The following SMYD3 variants were observed in gnomAD, a reference collection of about 807,000 sequenced individuals.
The protein encoded by SMYD3 is histone-lysine N-methyltransferase SMYD3.
A neutral mutation model predicts 57.7 loss-of-function variants in SMYD3; 36 were observed. The ratio of observed to expected loss-of-function variants is 0.62; its 90% CI spans 0.48 to 0.82. SMYD3 has a LOEUF of 0.82. Ranked by LOEUF, SMYD3 falls within the 40% of genes least tolerant of loss-of-function variation. The pLI is 0.00. For missense variants in SMYD3, 515 were observed against 538.8 expected, an observed-to-expected ratio of 0.96 and a Z score of 0.44; for synonymous variants, 211 against 195.0, an observed-to-expected ratio of 1.08 and a Z score of -0.68.
chr1:246,273,633 G>A (rs573066159), intron 5 of SMYD3, among the ~76,000 whole-genome samples: 5 of 142,322 alleles, frequency 3.5e-5, no homozygotes, highest in African/African-American at 1.0e-4. Flanking sequence ...CGCCCAGGTG[G>A]GAGTGCAGTG....
intron 5 of SMYD3, among the ~76,000 whole-genome samples, chr1:246,282,047 G>A (rs2064453393): frequency 6.6e-6 from 1 of 152,130 alleles, no homozygotes; most frequent in Admixed American, 6.5e-5. Context: ...GTGAAAAATA[G>A]TTCTGCAAGA....
At chr1:246,028,684 C>A (rs995774484) in intron 5 of SMYD3, among the ~76,000 whole-genome samples, 1 of 152,084 alleles carries the variant, frequency 6.6e-6, no homozygotes, top group Non-Finnish European at 1.5e-5. Context: ...TAATGTAATA[C>A]CTGTCAAAAT....
intron 8 of SMYD3, among the ~76,000 whole-genome samples, chr1:245,911,358 C>T (rs186213574): frequency 1.3e-5 from 2 of 151,874 alleles, no homozygotes; most frequent in East Asian, 1.9e-4. Flanking sequence ...ACAATCCAAA[C>T]GTTGGATATA....
intron 7 of SMYD3, among the ~76,000 whole-genome samples, chr1:245,920,607 T>G (rs1408107414): frequency 6.6e-6 from 1 of 152,160 alleles, no homozygotes; most frequent in South Asian, 2.1e-4. Context: ...AGGCTACCAC[T>G]GTTATCTCTT....
chr1:245,942,096 T>C (rs538809830), intron 5 of SMYD3, among the ~76,000 whole-genome samples: 1 of 152,312 alleles, frequency 6.6e-6, no homozygotes, highest in South Asian at 2.1e-4. Flanking sequence ...CCAGCTAGCA[T>C]CATGATGACA....
rs146838179 is a variant in SMYD3, at chr1:246,093,911, G to C, written c.532-163974C>G. On this transcript the variant is annotated intron_variant, in intron 5 of 11. Transcript: ENST00000490107. Reference sequence around the variant, plus strand: ...TTCTTACCCGCCAAATACTTTTTTAGAAACAGAACCACACAGCCCATACAA... The same window carrying C: ...TTCTTACCCGCCAAATACTTTTTTACAAACAGAACCACACAGCCCATACAA... Among the ~76,000 whole-genome samples the C allele has an allele frequency of 1.7e-3, 255 of 152,132 alleles. 1 individual carries two copies. Among genetic ancestry groups the C allele is most frequent in the African/African-American group, 5.8e-3 (241 of 41,504 alleles).
chr1:246,158,502 A>G (rs1344463022), intron 5 of SMYD3, among the ~76,000 whole-genome samples: 1 of 152,238 alleles, frequency 6.6e-6, no homozygotes, highest in African/African-American at 2.4e-5. Context: ...TGATTAAAAG[A>G]GGAAATTGGC....
At chr1:246,238,309 G>A (rs1412421584) in intron 5 of SMYD3, among the ~76,000 whole-genome samples, 6 of 152,148 alleles carry the variant, frequency 3.9e-5, no homozygotes, top group African/African-American at 1.4e-4. Context: ...GTGATTACAG[G>A]AGTGTGCCAC....
At chr1:246,103,035 G>A (rs760703622) in intron 5 of SMYD3, among the ~76,000 whole-genome samples, 7 of 152,236 alleles carry the variant, frequency 4.6e-5, no homozygotes, top group East Asian at 1.9e-4. Context: ...ACTTTAAAAC[G>A]TGAGCTACCT....
chr1:245,802,452 A>G (rs1407692752), intron 10 of SMYD3, among the ~76,000 whole-genome samples: 3 of 152,226 alleles, frequency 2.0e-5, no homozygotes, highest in Non-Finnish European at 4.4e-5. Flanking sequence ...GGTCACAACT[A>G]ATTTCATTTT....
At chr1:246,341,539 C>CTATA (rs1271520286) in intron 2 of SMYD3, among the ~76,000 whole-genome samples, 1 of 151,946 alleles carries the variant, frequency 6.6e-6, no homozygotes, top group African/African-American at 2.4e-5. Flanking sequence ...GTAAAATTTA[C>CTATA]TATATATTAT....
At chr1:245,797,053 G>A (rs2047554196) in intron 10 of SMYD3, among the ~76,000 whole-genome samples, 1 of 152,198 alleles carries the variant, frequency 6.6e-6, no homozygotes, top group Non-Finnish European at 1.5e-5. Flanking sequence ...TTCTTTGGTA[G>A]TGTAAATACA....
chr1:246,306,552 T>C (rs2064982469), intron 5 of SMYD3, among the ~76,000 whole-genome samples: 1 of 152,198 alleles, frequency 6.6e-6, no homozygotes, highest in Admixed American at 6.5e-5. Context: ...GTCACTTTAG[T>C]ACTTTAGTAT....
chr1:245,761,786 C>CT (rs534305833), intron 11 of SMYD3, among the ~76,000 whole-genome samples: 29,941 of 115,592 alleles, frequency 0.26, 4,876 homozygotes, highest in East Asian at 0.61. Context: ...CATATTGAGT[C>CT]TTTTTTTTTT....
intron 1 of SMYD3, among the ~76,000 whole-genome samples, chr1:246,450,063 A>G (rs2067609192): frequency 6.6e-6 from 1 of 152,178 alleles, no homozygotes; most frequent in South Asian, 2.1e-4. Context: ...CGAGGTGGGC[A>G]GATCACCTGA....
At chr1:246,109,494 A>T (rs2061191160) in intron 5 of SMYD3, among the ~76,000 whole-genome samples, 1 of 152,238 alleles carries the variant, frequency 6.6e-6, no homozygotes, top group South Asian at 2.1e-4. Flanking sequence ...AAATAAATAA[A>T]TATAGTATGT....
At chr1:246,166,549 C>A (rs1340984690) in intron 5 of SMYD3, among the ~76,000 whole-genome samples, 4 of 152,132 alleles carry the variant, frequency 2.6e-5, no homozygotes, top group African/African-American at 9.7e-5. Context: ...TTTGTCTGTT[C>A]CCCTGTTAAT....
At chr1:246,283,079 G>A (rs904898241) in intron 5 of SMYD3, among the ~76,000 whole-genome samples, 1 of 152,126 alleles carries the variant, frequency 6.6e-6, no homozygotes, top group African/African-American at 2.4e-5. Flanking sequence ...AGGTTCTTCT[G>A]CTCAACAATG....
chr1:245,833,728 G>C (rs747424582), intron 10 of SMYD3, among the ~76,000 whole-genome samples: 5 of 152,170 alleles, frequency 3.3e-5, no homozygotes, highest in Non-Finnish European at 7.3e-5. Context: ...AAATGGGCAA[G>C]CATGTACAAA....
Sources: allele counts gnomAD v4.1 joint callset (sites outside exome capture counted in the v4.1 genomes callset), GRCh38; gene constraint gnomAD v4.1.1; transcripts MANE v1.5; gene names NCBI Gene and HGNC (gene_info 2026-07-23, HGNC 2026-07-21).